The following DPP10 variants were observed in gnomAD, a reference collection of about 807,000 sequenced individuals.
The protein encoded by DPP10 is dipeptidyl peptidase like 10.
In DPP10, 33 loss-of-function variants were observed where a neutral mutation model predicts 120.9. That is an observed-to-expected ratio of 0.27 (90% CI 0.21 to 0.37). The LOEUF (loss-of-function observed/expected upper bound fraction) is 0.37, where lower values mean the gene tolerates loss of function less well. Ranked by LOEUF, DPP10 falls within the 10% of genes least tolerant of loss-of-function variation. DPP10 has a pLI of 1.00. For synonymous variants in DPP10, 337 were observed against 326.1 expected (o/e 1.03, Z -0.36); for missense variants, 816 against 942.8 (o/e 0.87, Z 1.76).
At chr2:114,681,095 C>A (rs374767243) in intron 1 of DPP10, among the ~76,000 whole-genome samples, 2 of 151,944 alleles carry the variant, frequency 1.3e-5, no homozygotes, top group East Asian at 3.9e-4. Flanking sequence ...TATTCCAGTT[C>A]TACCCCTTTT....
At chr2:114,817,257 A>C (rs888235865) in intron 1 of DPP10, among the ~76,000 whole-genome samples, 1 of 152,048 alleles carries the variant, frequency 6.6e-6, no homozygotes, top group Admixed American at 6.6e-5. Context: ...CATATAGACA[A>C]AGATTAGACC....
intron 1 of DPP10, among the ~76,000 whole-genome samples, chr2:114,662,248 A>G (rs1357839964): frequency 6.6e-6 from 1 of 152,198 alleles, no homozygotes; most frequent in Admixed American, 6.5e-5. Context: ...AAAAGCAGAC[A>G]CGCAACCGTG....
At chr2:115,826,323 T>G (rs1688312775) in intron 21 of DPP10, among the ~76,000 whole-genome samples, 2 of 152,222 alleles carry the variant, frequency 1.3e-5, no homozygotes, top group Admixed American at 6.5e-5. Flanking sequence ...CTACTTTCAG[T>G]TCTATCAGTT....
intron 3 of DPP10, among the ~76,000 whole-genome samples, chr2:115,456,448 T>C (rs13424548): frequency 0.015 from 2,267 of 152,234 alleles, 59 homozygotes; most frequent in African/African-American, 0.052. Context: ...GACCCAGCAA[T>C]CCCATTATTG....
rs1709320028 is a variant in DPP10, at chr2:115,092,171, G to A, written c.61-217068G>A. On this transcript the variant is annotated intron_variant, in intron 1 of 25. Transcript: ENST00000410059. ...TGCTAGTTCATCACACTAATAAGTG[G>A]TAGACTCTCTCTGTTTGACTCCAAT... Among the ~76,000 whole-genome samples, 4 of 152,260 alleles carry A rather than the reference G, an allele frequency of 2.6e-5. No individual in the cohort carries two copies. The South Asian group carries it at 8.3e-4, about 32-fold the overall frequency.
chr2:115,217,916 C>T (rs2105394140), intron 1 of DPP10, among the ~76,000 whole-genome samples: 1 of 152,272 alleles, frequency 6.6e-6, no homozygotes, highest in East Asian at 1.9e-4. Context: ...CCAGTCTAGG[C>T]TTAGATGCTC....
chr2:114,587,355 A>C (rs1203413009), intron 1 of DPP10, among the ~76,000 whole-genome samples: 1 of 151,712 alleles, frequency 6.6e-6, no homozygotes, highest in Non-Finnish European at 1.5e-5. Flanking sequence ...ACACAGACAC[A>C]CACAGCCTCA....
In DPP10 at chr2:115,699,893, A is replaced by G. The variant is rs116670846; in HGVS notation, c.576+9972A>G. On this transcript the variant is annotated intron_variant, in intron 7 of 25. Coordinates refer to ENST00000410059, the MANE Select transcript of DPP10 (RefSeq NM_020868.6). Reference sequence around the variant, plus strand: ...AATATATAAAAAACTGATCAATGTAATTGTATTAGTCCCTTCTCACATCGC... The same window carrying G: ...AATATATAAAAAACTGATCAATGTAGTTGTATTAGTCCCTTCTCACATCGC... Among the ~76,000 whole-genome samples, 1,500 of 152,346 alleles carry G rather than the reference A, an allele frequency of 9.8e-3. 24 individuals are homozygous for G. The highest frequency in any genetic ancestry group is 0.032 in the African/African-American group (1,311 of 41,584).
rs901258609 is a variant in DPP10 at position 115,327,064 on chromosome 2, A to G, written c.176-16753A>G. On this transcript the variant is annotated intron_variant, in intron 2 of 25. Transcript: ENST00000410059. ...TTCTTGAAGTGCCCTATCCAGGTGT[A>G]CCATTCTTTTTATCATTTATAATGT... 2.0e-5 allele frequency among the ~76,000 whole-genome samples: 3 copies of G among 152,020 alleles called. No individual in the cohort carries two copies. The South Asian group carries it at 6.2e-4, about 32-fold the overall frequency.
intron 1 of DPP10, among the ~76,000 whole-genome samples, chr2:115,194,168 G>T (rs796282177): frequency 6.6e-6 from 1 of 152,136 alleles, no homozygotes; most frequent in African/African-American, 2.4e-5. Context: ...TAGCAAAGCC[G>T]TTGCTGCTAC....
intron 1 of DPP10, among the ~76,000 whole-genome samples, chr2:115,085,448 G>A (rs1448949676): frequency 1.3e-5 from 2 of 152,034 alleles, no homozygotes; most frequent in South Asian, 2.1e-4. Context: ...AATAAAAGTG[G>A]TCATTTCTAC....
At chr2:115,335,326 C>T (rs1356106842) in intron 2 of DPP10, among the ~76,000 whole-genome samples, 1 of 151,778 alleles carries the variant, frequency 6.6e-6, no homozygotes, top group Non-Finnish European at 1.5e-5. Flanking sequence ...TACAAATTAA[C>T]TATTTAAATT....
intron 1 of DPP10, among the ~76,000 whole-genome samples, chr2:115,260,720 A>G (rs1049373579): frequency 1.3e-5 from 2 of 152,088 alleles, no homozygotes; most frequent in Non-Finnish European, 1.5e-5. Context: ...TTTTAGTGCT[A>G]TTTTCTAGTG....
chr2:114,809,006 T>A (rs2106314638), intron 1 of DPP10, among the ~76,000 whole-genome samples: 1 of 147,748 alleles, frequency 6.8e-6, no homozygotes, highest in African/African-American at 2.4e-5. Context: ...AAAAGACTGC[T>A]TTTTGAATTA....
At chr2:115,114,466 T>C (rs989808016) in intron 1 of DPP10, among the ~76,000 whole-genome samples, 1 of 152,184 alleles carries the variant, frequency 6.6e-6, no homozygotes, top group Non-Finnish European at 1.5e-5. Context: ...ACAGTAAATA[T>C]TAATGAAGAA....
At chr2:115,133,255 C>T (rs2050476904) in intron 1 of DPP10, among the ~76,000 whole-genome samples, 2 of 142,980 alleles carry the variant, frequency 1.4e-5, no homozygotes, top group Admixed American at 7.2e-5. Flanking sequence ...CTCGGATTTG[C>T]CATTGCATTA....
At chr2:115,497,950 A>T (rs1264111950) in intron 3 of DPP10, among the ~76,000 whole-genome samples, 1 of 92,728 alleles carries the variant, frequency 1.1e-5, no homozygotes, top group African/African-American at 3.3e-5. Flanking sequence ...AGTTAATGAT[A>T]AAAAAAAAAG....
chr2:114,883,797 T>G (rs530507543), intron 1 of DPP10, among the ~76,000 whole-genome samples: 1 of 152,260 alleles, frequency 6.6e-6, no homozygotes, highest in South Asian at 2.1e-4. Flanking sequence ...GGTCTGGCAT[T>G]CAGGTGGAGT....
At chr2:114,523,449 C>CA (rs1042704651) in intron 1 of DPP10, among the ~76,000 whole-genome samples, 7 of 152,172 alleles carry the variant, frequency 4.6e-5, no homozygotes, top group African/African-American at 1.7e-4. Flanking sequence ...CGAATCTTGG[C>CA]AGTTTCCCAA....
Sources: allele counts gnomAD v4.1 joint callset (sites outside exome capture counted in the v4.1 genomes callset), GRCh38; gene constraint gnomAD v4.1.1; transcripts MANE v1.5; gene names NCBI Gene and HGNC (gene_info 2026-07-23, HGNC 2026-07-21).